GRIP1: variants seen among roughly 807,000 people sequenced by gnomAD.
The protein encoded by GRIP1 is glutamate receptor-interacting protein 1.
Under a neutral mutation model 129.9 loss-of-function variants are expected in GRIP1, and 45 were observed. That is an observed-to-expected ratio of 0.35 (90% CI 0.27 to 0.44). The LOEUF (loss-of-function observed/expected upper bound fraction) is 0.44, where lower values mean the gene tolerates loss of function less well. Ranked by LOEUF, GRIP1 falls within the 20% of genes least tolerant of loss-of-function variation. The pLI is 1.00. For missense variants in GRIP1, 1,196 were observed against 1,396.8 expected (o/e 0.86, Z 2.29); for synonymous variants, 530 against 520.8 (o/e 1.02, Z -0.24).
intron 9 of GRIP1, among the ~76,000 whole-genome samples, chr12:66,456,602 T>C (rs2058972219): frequency 6.6e-6 from 1 of 152,170 alleles, no homozygotes; most frequent in African/African-American, 2.4e-5. Flanking sequence ...TCTTTTAAGA[T>C]GACTATTGAA....
At chr12:66,980,934 T>C (rs1293702524) in intron 1 of GRIP1, among the ~76,000 whole-genome samples, 1 of 152,198 alleles carries the variant, frequency 6.6e-6, no homozygotes, top group East Asian at 1.9e-4. Flanking sequence ...ATTGGCCAAA[T>C]TACCACTAGA....
chr12:66,480,056 G>A (rs904016868), intron 7 of GRIP1, among the ~76,000 whole-genome samples: 1 of 152,112 alleles, frequency 6.6e-6, no homozygotes, highest in Admixed American at 6.6e-5. Flanking sequence ...CATAGTATTG[G>A]AAGTTCTGGC....
chr12:66,538,703 A>C (rs1249338571), intron 4 of GRIP1, among the ~76,000 whole-genome samples: 2 of 151,980 alleles, frequency 1.3e-5, no homozygotes. Context: ...CTTGGGCTCA[A>C]GCAATCCTCC....
chr12:66,558,130 T>C (rs2062396953), intron 2 of GRIP1, among the ~76,000 whole-genome samples: 1 of 152,076 alleles, frequency 6.6e-6, no homozygotes, highest in Non-Finnish European at 1.5e-5. Context: ...ATGAAGACAT[T>C]ACAGCTGATA....
chr12:67,064,239 TCTAATGAATTC>T (rs1257475845), intron 1 of GRIP1, among the ~76,000 whole-genome samples: 2 of 152,212 alleles, frequency 1.3e-5, no homozygotes, highest in Admixed American at 1.3e-4. Context: ...AAGCAAACTC[TCTAATGAATTC>T]CTAATGAAAG....
intron 1 of GRIP1, among the ~76,000 whole-genome samples, chr12:66,892,958 G>A (rs762794800): frequency 1.3e-5 from 2 of 152,094 alleles, no homozygotes; most frequent in Admixed American, 1.3e-4. Flanking sequence ...AGAGCAAGAC[G>A]CTGCCTCATA....
chr12:66,767,572 TA>T lies in GRIP1; in HGVS notation c.-420+36480del, dbSNP rs35610268. On this transcript the variant is annotated intron_variant, in intron 1 of 4. Transcript: ENST00000538373. ...TCTCAGCAAGTGGCTGTCTCTGTAT[TA>T]AAAAAAAAAAAAGGCTTTAATCAGT... Among the ~76,000 whole-genome samples, 614 of 145,864 alleles carry T rather than the reference TA, an allele frequency of 4.2e-3. 2 individuals carry two copies. Among genetic ancestry groups the T allele is most frequent in the East Asian group, 0.019 (92 of 4,952 alleles).
intron 1 of GRIP1, among the ~76,000 whole-genome samples, chr12:66,765,370 C>T (rs983175125): frequency 2.0e-5 from 3 of 152,234 alleles, no homozygotes; most frequent in Admixed American, 6.5e-5. Flanking sequence ...AAGCTCTCAT[C>T]TTCCTTCACA....
chr12:66,383,335 C>CAAT (rs1320408643), intron 19 of GRIP1, among the ~76,000 whole-genome samples: 1 of 150,564 alleles, frequency 6.6e-6, no homozygotes, highest in Non-Finnish European at 1.5e-5. Context: ...ACAACAACAA[C>CAAT]AACAACAACA....
chr12:66,893,782 C>A (rs960843916), intron 1 of GRIP1, among the ~76,000 whole-genome samples: 7 of 152,114 alleles, frequency 4.6e-5, no homozygotes, highest in African/African-American at 1.7e-4. Flanking sequence ...TTGGAAATTG[C>A]CAAATATTTT....
At chr12:66,725,200 G>A (rs1401492765) in intron 1 of GRIP1, among the ~76,000 whole-genome samples, 2 of 152,054 alleles carry the variant, frequency 1.3e-5, no homozygotes, top group Non-Finnish European at 2.9e-5. Flanking sequence ...TACTAAGGGG[G>A]CTGAGGTAAG....
Position 66,487,465 on chromosome 12 carries a change from A to G in GRIP1, c.725-22043T>C, listed in dbSNP as rs118155190. ...ATCACCACCTCAAGCCTGCTTTGCA[A>G]GAGCTCCTAAATATGGAAGCACTAA... On this transcript the variant is annotated intron_variant, in intron 7 of 24. Coordinates refer to ENST00000359742, the MANE Select transcript of GRIP1 (RefSeq NM_001366722.1). Among the ~76,000 whole-genome samples the G allele has an allele frequency of 2.3e-3, 353 of 152,336 alleles. 8 individuals are homozygous for G. The East Asian group carries it at 0.058, about 25-fold the overall frequency.
At chr12:66,529,206 T>G (rs2061364693) in intron 5 of GRIP1, among the ~76,000 whole-genome samples, 2 of 152,126 alleles carry the variant, frequency 1.3e-5, no homozygotes, top group Admixed American at 1.3e-4. Context: ...TGTAAACTAG[T>G]ACAACCACTA....
chr12:66,787,418 A>G (rs1049266150), intron 1 of GRIP1, among the ~76,000 whole-genome samples: 5 of 152,182 alleles, frequency 3.3e-5, no homozygotes, highest in Non-Finnish European at 7.3e-5. Context: ...GTTATCCTGT[A>G]CATCTTTAAG....
At chr12:66,408,126 A>G (rs1024782454) in intron 15 of GRIP1, among the ~76,000 whole-genome samples, 5 of 152,212 alleles carry the variant, frequency 3.3e-5, no homozygotes, top group Admixed American at 6.5e-5. Flanking sequence ...CTTGAAGGGA[A>G]GGACCCAGTC....
rs1245128472 is a variant in GRIP1 at position 66,529,810 on chromosome 12, A to G, written c.502+21T>C. 2.2e-6 allele frequency: 3 copies of G among 1,350,552 alleles called. No individual in the cohort carries two copies. In the African/African-American group the frequency reaches 4.3e-5, roughly 19 times the overall value. 83.7% of individuals were successfully genotyped at this position (1,350,552 alleles called of 1,614,324 possible). On this transcript the variant is annotated intron_variant, in intron 5 of 24. Transcript: ENST00000359742. ...TATGGAAATATTTTTTTTAAAGTAG[A>G]TTTTTCTAACCAACACCTACCTCGA...
intron 1 of GRIP1, among the ~76,000 whole-genome samples, chr12:66,774,791 A>G (rs1304706762): frequency 1.3e-5 from 2 of 152,336 alleles, no homozygotes; most frequent in East Asian, 3.9e-4. Flanking sequence ...CTGGCAGTCC[A>G]TGGGATTTTA....
At chr12:66,785,323 C>CATAT (rs2038291950) in intron 1 of GRIP1, among the ~76,000 whole-genome samples, 3 of 55,986 alleles carry the variant, frequency 5.4e-5, no homozygotes, top group African/African-American at 1.3e-4. Context: ...TACATACATA[C>CATAT]ATACATACAT....
intron 15 of GRIP1, among the ~76,000 whole-genome samples, chr12:66,419,259 T>C (rs1283560699): frequency 6.7e-6 from 1 of 150,204 alleles, no homozygotes; most frequent in African/African-American, 2.4e-5. Flanking sequence ...ACTGAACTCA[T>C]GGAGAGAGAG....
Sources: gnomAD v4.1 joint callset for allele counts (sites outside exome capture counted in the v4.1 genomes callset) on GRCh38, gnomAD v4.1.1 for gene constraint, MANE v1.5 for transcripts, NCBI Gene and HGNC (gene_info 2026-07-23, HGNC 2026-07-21) for gene names.